RBFOX1: variants seen among roughly 807,000 people sequenced by gnomAD.
RBFOX1 encodes RNA binding fox-1 homolog 1, also known as RNA binding protein fox-1 homolog 1.
Under a neutral mutation model 57.7 loss-of-function variants are expected in RBFOX1, and 8 were observed. The observed-to-expected ratio is 0.14, with a 90% CI of 0.08 to 0.25. The LOEUF is 0.25. Among genes scored for constraint, RBFOX1 ranks in the 10% least tolerant of loss-of-function variants. The probability of loss-of-function intolerance (pLI) is 1.00; values close to 1 mark genes in which losing one functional copy is unlikely to be tolerated. For synonymous variants in RBFOX1, 326 were observed against 222.4 expected, an observed-to-expected ratio of 1.47 and a Z score of -4.15; for missense variants, 611 against 548.5, an observed-to-expected ratio of 1.11 and a Z score of -1.14.
chr16:5,553,828 G>T (rs1481005070), intron 2 of RBFOX1, among the ~76,000 whole-genome samples: 1 of 150,820 alleles, frequency 6.6e-6, no homozygotes, highest in African/African-American at 2.5e-5. Context: ...TATAATTAAA[G>T]GTCAACAAAA....
intron 3 of RBFOX1, among the ~76,000 whole-genome samples, chr16:6,715,121 C>G (rs1393828590): frequency 6.6e-6 from 1 of 152,074 alleles, no homozygotes; most frequent in Non-Finnish European, 1.5e-5. Flanking sequence ...TCAAGATTTG[C>G]CACTTGGGAC....
chr16:7,207,131 A>G (rs2090153553), intron 4 of RBFOX1, among the ~76,000 whole-genome samples: 1 of 152,144 alleles, frequency 6.6e-6, no homozygotes, highest in Non-Finnish European at 1.5e-5. Flanking sequence ...TCTTCATGGC[A>G]TTTCTTAGCT....
At chr16:7,516,567 G>C (rs539832325) in intron 4 of RBFOX1, among the ~76,000 whole-genome samples, 1 of 152,154 alleles carries the variant, frequency 6.6e-6, no homozygotes, top group African/African-American at 2.4e-5. Flanking sequence ...TAGCAACTCA[G>C]CCTCAACATA....
At chr16:6,528,304 C>G (rs1371509856) in intron 2 of RBFOX1, among the ~76,000 whole-genome samples, 3 of 152,306 alleles carry the variant, frequency 2.0e-5, no homozygotes, top group Middle Eastern at 3.4e-3. Flanking sequence ...TTCCACTTCC[C>G]AAACTTAGGA....
At chr16:7,425,616 A>G (rs1054033015) in intron 4 of RBFOX1, among the ~76,000 whole-genome samples, 1 of 152,108 alleles carries the variant, frequency 6.6e-6, no homozygotes, top group Non-Finnish European at 1.5e-5. Flanking sequence ...CTGTTTCTAA[A>G]CTTCTCTGGA....
chr16:6,584,764 G>A (rs1320958718), intron 2 of RBFOX1, among the ~76,000 whole-genome samples: 1 of 152,086 alleles, frequency 6.6e-6, no homozygotes, highest in Non-Finnish European at 1.5e-5. Context: ...CACCCACCAA[G>A]GCAGGACCAG....
chr16:6,578,571 T>C (rs2097481556), intron 2 of RBFOX1, among the ~76,000 whole-genome samples: 2 of 78,400 alleles, frequency 2.6e-5, no homozygotes, highest in African/African-American at 7.3e-5. Flanking sequence ...CCAATGGGGA[T>C]GTCGGCTATG....
chr16:5,526,676 T>G (rs2044260339), intron 2 of RBFOX1, among the ~76,000 whole-genome samples: 1 of 152,108 alleles, frequency 6.6e-6, no homozygotes, highest in Non-Finnish European at 1.5e-5. Context: ...CCAGCCCAGG[T>G]CTGTTATGTT....
chr16:5,699,639 C>A (rs773326087), intron 3 of RBFOX1, among the ~76,000 whole-genome samples: 20 of 151,980 alleles, frequency 1.3e-4, no homozygotes, highest in Non-Finnish European at 2.4e-4. Context: ...TTTTGGTTGT[C>A]AGCTCTGGGT....
intron 4 of RBFOX1, among the ~76,000 whole-genome samples, chr16:7,158,579 G>C (rs1315663771): frequency 6.6e-6 from 1 of 151,948 alleles, no homozygotes; most frequent in Non-Finnish European, 1.5e-5. Flanking sequence ...TGTTTGTGTG[G>C]TGTGTATGTG....
intron 4 of RBFOX1, among the ~76,000 whole-genome samples, chr16:5,909,757 T>G (rs954170219): frequency 5.3e-5 from 8 of 152,150 alleles, no homozygotes; most frequent in Non-Finnish European, 7.4e-5. Context: ...AGCACTGAAA[T>G]TTTTAGCAAC....
At chr16:6,238,774 A>C (rs536190638) in intron 1 of RBFOX1, among the ~76,000 whole-genome samples, 3 of 151,964 alleles carry the variant, frequency 2.0e-5, no homozygotes, top group Non-Finnish European at 2.9e-5. Context: ...TTAATGTTTA[A>C]TTTTTGTGGT....
intron 13 of RBFOX1, chr16:7,671,433 G>A (rs756374481): frequency 1.1e-6 from 1 of 872,310 alleles, no homozygotes; most frequent in Non-Finnish European, 1.8e-6. Flanking sequence ...CAGTCCCAAG[G>A]CTTGGTGAAG....
intron 1 of RBFOX1, among the ~76,000 whole-genome samples, chr16:6,205,495 A>G (rs77434781): frequency 0.011 from 1,716 of 152,282 alleles, 55 homozygotes; most frequent in Admixed American, 0.054. Context: ...GTTTATAAAT[A>G]TGTATGCACA....
intron 14 of RBFOX1, among the ~76,000 whole-genome samples, chr16:7,702,481 C>G (rs755397202): frequency 6.6e-6 from 1 of 152,068 alleles, no homozygotes; most frequent in African/African-American, 2.4e-5. Flanking sequence ...CATTTAGTGA[C>G]GAGTATGGGA....
chr16:7,623,217 C>T lies in RBFOX1; in HGVS notation c.677-7386C>T, dbSNP rs548209915. On this transcript the variant is annotated intron_variant, in intron 10 of 15. Transcript: ENST00000550418. ...AGCAGTTCCCAACCATTTTGGCACC[C>T]GGGTTGGGTTTTGTGGAAGGCAGTT... Among the ~76,000 whole-genome samples, 513 of 152,222 alleles carry T rather than the reference C, an allele frequency of 3.4e-3. 3 individuals are homozygous for T. The highest frequency in any genetic ancestry group is 6.0e-3 in the Admixed American group (91 of 15,280).
intron 1 of RBFOX1, among the ~76,000 whole-genome samples, chr16:5,427,002 C>G (rs1365065472): frequency 1.3e-5 from 2 of 152,082 alleles, no homozygotes; most frequent in Non-Finnish European, 2.9e-5. Context: ...GAGTGTAGGG[C>G]CCTCAGCACC....
At chr16:6,755,009 C>G (rs1381900477) in intron 3 of RBFOX1, among the ~76,000 whole-genome samples, 1 of 152,154 alleles carries the variant, frequency 6.6e-6, no homozygotes, top group Non-Finnish European at 1.5e-5. Flanking sequence ...CCAATTTCAT[C>G]CATGTCCCTA....
chr16:5,346,846 A>G (rs1167807044), intron 1 of RBFOX1, among the ~76,000 whole-genome samples: 6 of 152,102 alleles, frequency 3.9e-5, no homozygotes, highest in African/African-American at 1.4e-4. Context: ...CAAAGTGAGG[A>G]TGATAACAGC....
Sources: allele counts gnomAD v4.1 joint callset (sites outside exome capture counted in the v4.1 genomes callset), GRCh38; gene constraint gnomAD v4.1.1; transcripts MANE v1.5; gene names NCBI Gene and HGNC (gene_info 2026-07-23, HGNC 2026-07-21).